GC: variants seen among roughly 807,000 people sequenced by gnomAD.
The protein encoded by GC is GC vitamin D binding protein.
A neutral mutation model predicts 56.7 loss-of-function variants in GC; 43 were observed. The ratio of observed to expected loss-of-function variants is 0.76; its 90% CI spans 0.59 to 0.98. The LOEUF is 0.98. Among genes scored for constraint, GC ranks in the 50% least tolerant of loss-of-function variants. GC has a pLI of 0.00. For missense variants in GC, 529 were observed against 545.9 expected (o/e 0.97, Z 0.31); for synonymous variants, 216 against 202.7 (o/e 1.07, Z -0.56).
intron 11 of GC, among the ~76,000 whole-genome samples, chr4:71,748,210 A>G (rs1741437712): frequency 6.6e-6 from 1 of 152,186 alleles, no homozygotes; most frequent in African/African-American, 2.4e-5. Flanking sequence ...ATTTCTGCTT[A>G]ACAAATAGCA....
At chr4:71,763,728 A>G (rs1025716974) in intron 5 of GC, 76 bp downstream of exon 5, 3 of 1,310,994 alleles carry the variant, frequency 2.3e-6, no homozygotes, top group South Asian at 1.4e-5. Context: ...GCAAAATCTC[A>G]ATTTCTACCA....
At chr4:71,780,004 C>T (rs1446600645) in intron 1 of GC, among the ~76,000 whole-genome samples, 1 of 151,832 alleles carries the variant, frequency 6.6e-6, no homozygotes, top group Non-Finnish European at 1.5e-5. Context: ...ATAATAAAAA[C>T]CTCTTTTTGC....
intron 7 of GC, among the ~76,000 whole-genome samples, chr4:71,757,637 T>A (rs925844165): frequency 6.6e-6 from 1 of 152,158 alleles, no homozygotes; most frequent in East Asian, 1.9e-4. Context: ...TCCAATACCA[T>A]TGTGCATTTG....
In GC at chr4:71,762,686, C is replaced by A. The variant is rs138496996; in HGVS notation, c.701+722G>T. Among the ~76,000 whole-genome samples, 81 of 152,220 alleles carry A rather than the reference C, an allele frequency of 5.3e-4. 1 individual carries two copies. In the East Asian group the frequency reaches 0.015, roughly 28 times the overall value. On this transcript the variant is annotated intron_variant, in intron 6 of 12. Coordinates refer to ENST00000273951, the MANE Select transcript of GC (RefSeq NM_000583.4). ...TGGGGTGGGTCTTTCCTGTGCTGTT[C>A]TCATGATAGTGAATGAGTTTCATGA...
In GC at chr4:71,765,561, T is replaced by C; in HGVS notation, c.344A>G (p.Glu115Gly). 1 of 1,613,668 alleles carries C rather than the reference T, an allele frequency of 6.2e-7. No homozygotes were observed. The highest frequency in any genetic ancestry group is 8.5e-7 in the Non-Finnish European group (1 of 1,179,732). ...CATGCAGAGCTTTCGTTCCAGGCCCTCTTTGGTGCAGCACTCAGCAGTGCC... is the reference window on the plus strand; with the variant it reads ...CATGCAGAGCTTTCGTTCCAGGCCCCCTTTGGTGCAGCACTCAGCAGTGCC... ...HPGTAECCTK[E>G]GLERKLCMAA... Residue 115 changes from glutamate (E) to glycine (G), a missense_variant, in exon 4 of 13, where the codon GAG (glutamate) becomes GGG (glycine). Coordinates refer to ENST00000273951, the MANE Select transcript of GC (RefSeq NM_000583.4).
intron 12 of GC, 23 bp downstream of exon 12, chr4:71,746,128 C>T: frequency 1.2e-6 from 1 of 863,118 alleles, no homozygotes; most frequent in Non-Finnish European, 2.0e-6. Flanking sequence ...TCCGTTGGTC[C>T]TGCATTTATA....
At chr4:71,768,526 T>C in intron 2 of GC, 93 bp from the exon 3 acceptor site, 17 of 1,102,086 alleles carry the variant, frequency 1.5e-5, no homozygotes, top group Admixed American at 2.4e-5. Flanking sequence ...TGGAGTGCAG[T>C]GGTGTGATCT....
At chr4:71,774,814 A>G (rs1038179144) in intron 1 of GC, among the ~76,000 whole-genome samples, 1 of 151,918 alleles carries the variant, frequency 6.6e-6, no homozygotes, top group Non-Finnish European at 1.5e-5. Context: ...TCATATTTAA[A>G]TTATTTCTAT....
chr4:71,797,035 G>A (rs780394353), intron 1 of GC, among the ~76,000 whole-genome samples: 9 of 152,176 alleles, frequency 5.9e-5, no homozygotes, highest in Non-Finnish European at 1.5e-5. Flanking sequence ...AGCAAATATT[G>A]CTGCCTGATC....
At chr4:71,758,530 T>C (rs1234125176) in intron 6 of GC, among the ~76,000 whole-genome samples, 1 of 152,130 alleles carries the variant, frequency 6.6e-6, no homozygotes, top group Non-Finnish European at 1.5e-5. Context: ...TCTCACAGAG[T>C]TGTAAAAGTG....
At chr4:71,755,617 A>G (rs746174080) in intron 8 of GC, among the ~76,000 whole-genome samples, 5 of 152,188 alleles carry the variant, frequency 3.3e-5, no homozygotes, top group Admixed American at 6.5e-5. Context: ...AATACTTGCT[A>G]TTGTGACTAG....
chr4:71,754,329 T>C, intron 10 of GC, 82 bp downstream of exon 10: 1 of 689,070 alleles, frequency 1.5e-6, no homozygotes, highest in Admixed American at 2.8e-5. Flanking sequence ...CAAGCTTAAG[T>C]GTTCAACTAT....
intron 9 of GC, among the ~76,000 whole-genome samples, 184 bp from the exon 10 acceptor site, chr4:71,754,692 G>C (rs541898001): frequency 1.3e-5 from 2 of 152,296 alleles, no homozygotes; most frequent in South Asian, 2.1e-4. Flanking sequence ...ACTCAACTCT[G>C]TACAGAAGCA....
At position 71,777,830 on chromosome 4, in the gene GC, G is replaced by A. The variant is rs190004692; in HGVS notation, c.58+6131C>T. 5.1e-3 allele frequency among the ~76,000 whole-genome samples: 777 copies of A among 151,012 alleles called. 8 individuals carry two copies. Among genetic ancestry groups the A allele is most frequent in the African/African-American group, 0.017 (716 of 41,182 alleles). Reference sequence around the variant, plus strand: ...ATATTTTCACTCATAAATGGGAGTCGAACAGTGAGAACACATGGACACAGG... The same window carrying A: ...ATATTTTCACTCATAAATGGGAGTCAAACAGTGAGAACACATGGACACAGG... On this transcript the variant is annotated intron_variant, in intron 1 of 12. Coordinates refer to ENST00000273951, the MANE Select transcript of GC (RefSeq NM_000583.4).
At chr4:71,781,435 C>CA (rs752651212) in intron 1 of GC, among the ~76,000 whole-genome samples, 43 of 150,614 alleles carry the variant, frequency 2.9e-4, no homozygotes, top group South Asian at 4.2e-4. Context: ...GAAAAAAATG[C>CA]AAAAAAAATA....
intron 3 of GC, among the ~76,000 whole-genome samples, chr4:71,766,005 A>T (rs144099900): frequency 1.3e-5 from 2 of 152,294 alleles, no homozygotes; most frequent in East Asian, 3.9e-4. Context: ...AGCTCCACAG[A>T]TGATTCTGTC....
rs1742129925 is a variant in GC, at chr4:71,765,568, T to G, written c.337A>C (p.Thr113Pro). The G allele has an allele frequency of 6.2e-7, 1 of 1,613,674 alleles. No homozygotes were observed. The highest frequency in any genetic ancestry group is 8.5e-7 in the Non-Finnish European group (1 of 1,179,748). The change falls in exon 4 of 13, where the codon ACC (threonine) becomes CCC (proline). Residue 113 changes from threonine (T) to proline (P), a missense_variant. By Grantham distance (38) the Thr-to-Pro change is conservative. Coordinates refer to ENST00000273951, the MANE Select transcript of GC (RefSeq NM_000583.4). ...AGCTTTCGTTCCAGGCCCTCTTTGG[T>G]GCAGCACTCAGCAGTGCCTGGGTGA... ...PVHPGTAECC[T>P]KEGLERKLCM...
chr4:71,752,617 A>T lies in GC; in HGVS notation c.1296T>A (p.Asp432Glu), dbSNP rs7041. 28 of 1,613,190 alleles carry T rather than the reference A, an allele frequency of 1.7e-5. No individual in the cohort carries two copies. Among genetic ancestry groups the T allele is most frequent in the Non-Finnish European group, 2.3e-5 (27 of 1,179,362 alleles). Residue 432 changes from aspartate to glutamate, a missense_variant, in exon 11 of 13, where the codon GAT becomes GAA. Coordinates refer to ENST00000273951, the MANE Select transcript of GC (RefSeq NM_000583.4). ...LAERLKAKLP[D>E]ATPTELAKLV... ...GCTTTGCCAGTTCCGTGGGTGTGGC[A>T]TCAGGCAATTTTGCTTTTAGTCGCT...
chr4:71,763,923 A>G lies in GC; in HGVS notation c.487T>C (p.Tyr163His). 1 of 1,610,708 alleles carries G rather than the reference A, an allele frequency of 6.2e-7. No individual in the cohort carries two copies. The highest frequency in any genetic ancestry group is 8.5e-7 in the Non-Finnish European group (1 of 1,177,436). ...GGAGCTTGTCCGTAATTAGTGGAAT[A>G]TTCCCACATAAATCTGTGGAGGAAA... ...KEYANQFMWE[Y>H]STNYGQAPLS... Residue 163 changes from tyrosine to histidine, a missense_variant, in exon 5 of 13, where the codon TAT (tyrosine) becomes CAT (histidine). Transcript: ENST00000273951.
Sources: allele counts gnomAD v4.1 joint callset (sites outside exome capture counted in the v4.1 genomes callset), GRCh38; gene constraint gnomAD v4.1.1; transcripts MANE v1.5; gene names NCBI Gene and HGNC (gene_info 2026-07-23, HGNC 2026-07-21).